The following TASP1 variants were observed in gnomAD, a reference collection of about 807,000 sequenced individuals.
TASP1 encodes taspase 1.
TASP1 carries 16 observed loss-of-function variants against 56.6 expected under a neutral mutation model. That is an observed-to-expected ratio of 0.28 (90% CI 0.19 to 0.43). TASP1 has a LOEUF of 0.43. TASP1 is among the 20% of genes least tolerant of loss of function. The pLI is 1.00. For missense variants in TASP1, 393 were observed against 511.6 expected, an observed-to-expected ratio of 0.77 and a Z score of 2.24; for synonymous variants, 179 against 184.2, an observed-to-expected ratio of 0.97 and a Z score of 0.23.
chr20:13,493,558 G>A (rs2043618437), intron 10 of TASP1, among the ~76,000 whole-genome samples: 1 of 152,094 alleles, frequency 6.6e-6, no homozygotes, highest in African/African-American at 2.4e-5. Context: ...TTGGTTTGCT[G>A]GGGGCTCTTG....
chr20:13,283,122 C>A, the TASP1 span, among the ~76,000 whole-genome samples: 4 of 152,150 alleles, frequency 2.6e-5, no homozygotes, highest in Admixed American at 6.5e-5. Context: ...CTCACTGAAG[C>A]CTCCAACTCC....
chr20:13,420,418 T>C (rs6079058), intron 12 of TASP1, among the ~76,000 whole-genome samples: 38,632 of 152,162 alleles, frequency 0.25, 6,062 homozygotes, highest in Non-Finnish European at 0.35. Context: ...TAAAATTTCA[T>C]TCTTCACTGT....
At chr20:13,410,048 C>G (rs960233731) in intron 13 of TASP1, among the ~76,000 whole-genome samples, 1 of 152,218 alleles carries the variant, frequency 6.6e-6, no homozygotes, top group Non-Finnish European at 1.5e-5. Context: ...CATGTTTGAG[C>G]TCTCACACGT....
At chr20:13,429,237 C>G (rs752498298) in intron 12 of TASP1, among the ~76,000 whole-genome samples, 9 of 152,150 alleles carry the variant, frequency 5.9e-5, no homozygotes, top group Non-Finnish European at 8.8e-5. Context: ...AGCAAATTAC[C>G]TGGGGTGAGG....
intron 1 of TASP1, among the ~76,000 whole-genome samples, chr20:13,636,689 G>A (rs954009631): frequency 1.5e-4 from 23 of 151,842 alleles, no homozygotes; most frequent in African/African-American, 5.1e-4. Context: ...ACAGAAAAAC[G>A]GTTAAGAAAA....
At chr20:13,420,922 A>T in intron 12 of TASP1, among the ~76,000 whole-genome samples, 1 of 152,144 alleles carries the variant, frequency 6.6e-6, no homozygotes, top group South Asian at 2.1e-4. Flanking sequence ...TTACACATTA[A>T]GAAGACCAAA....
At chr20:13,603,751 T>TA (rs1350123082) in intron 4 of TASP1, among the ~76,000 whole-genome samples, 4 of 152,246 alleles carry the variant, frequency 2.6e-5, no homozygotes, top group African/African-American at 9.6e-5. Flanking sequence ...TTAGCATCAT[T>TA]AGCCATAAAA....
At chr20:13,281,854 A>T in the TASP1 span, among the ~76,000 whole-genome samples, 3 of 152,208 alleles carry the variant, frequency 2.0e-5, no homozygotes, top group Admixed American at 6.5e-5. Context: ...TAGAGCTCAG[A>T]CACCTGGCAT....
the TASP1 span, among the ~76,000 whole-genome samples, chr20:13,163,964 T>C: frequency 1.3e-5 from 2 of 152,154 alleles, no homozygotes; most frequent in East Asian, 3.9e-4. Flanking sequence ...GCAGGTTTGT[T>C]ACATATGTAT....
chr20:13,498,599 C>T (rs2043823578), intron 10 of TASP1, among the ~76,000 whole-genome samples: 1 of 151,924 alleles, frequency 6.6e-6, no homozygotes, highest in Non-Finnish European at 1.5e-5. Flanking sequence ...CCGCCTCGGC[C>T]TCTCAAAGTG....
At chr20:13,410,676 T>C (rs6042080) in intron 13 of TASP1, among the ~76,000 whole-genome samples, 15,141 of 151,512 alleles carry the variant, frequency 0.1, 1,552 homozygotes, top group African/African-American at 0.27. Flanking sequence ...TAATGGGATC[T>C]TTTTTTTTAA....
intron 8 of TASP1, among the ~76,000 whole-genome samples, chr20:13,542,251 A>G (rs906875319): frequency 2.2e-4 from 34 of 152,138 alleles, no homozygotes; most frequent in African/African-American, 7.2e-4. Context: ...ACATCACACA[A>G]AATAAGTGTT....
At chr20:13,417,213 A>G (rs2042285856) in intron 13 of TASP1, among the ~76,000 whole-genome samples, 2 of 152,142 alleles carry the variant, frequency 1.3e-5, no homozygotes, top group Admixed American at 6.5e-5. Flanking sequence ...GCTGTGGGGG[A>G]AAGTGGGCAG....
chr20:13,479,207 C>T (rs939283021), intron 11 of TASP1, among the ~76,000 whole-genome samples: 1 of 151,966 alleles, frequency 6.6e-6, no homozygotes, highest in Non-Finnish European at 1.5e-5. Context: ...ACTTAATTGT[C>T]ATATACAATT....
At chr20:13,368,166 A>T in the TASP1 span, 1 of 152,218 alleles carries the variant, frequency 6.6e-6, no homozygotes, top group Non-Finnish European at 1.5e-5. Flanking sequence ...GTTTGAGACC[A>T]CAGGATTAAG....
chr20:13,448,774 T>C (rs986273992), intron 11 of TASP1, among the ~76,000 whole-genome samples: 2 of 151,674 alleles, frequency 1.3e-5, no homozygotes, highest in African/African-American at 2.4e-5. Flanking sequence ...CTATCTATTT[T>C]ATTTGCCACA....
the TASP1 span, among the ~76,000 whole-genome samples, chr20:13,303,350 C>T: frequency 6.6e-6 from 1 of 152,188 alleles, no homozygotes; most frequent in African/African-American, 2.4e-5. Context: ...TCTCATAGTC[C>T]ATAAAAGGAT....
the TASP1 span, among the ~76,000 whole-genome samples, chr20:13,298,492 T>A: frequency 6.6e-6 from 1 of 152,228 alleles, no homozygotes; most frequent in African/African-American, 2.4e-5. Flanking sequence ...GGATCACGGT[T>A]ATCTAGGAAA....
chr20:13,447,419 C>T (rs79806240), intron 11 of TASP1, among the ~76,000 whole-genome samples: 3,094 of 152,140 alleles, frequency 0.02, 49 homozygotes, highest in Non-Finnish European at 0.027. Context: ...AGTAAGGCAA[C>T]CCCCAATTTT....
Sources: gnomAD v4.1 joint callset for allele counts (sites outside exome capture counted in the v4.1 genomes callset) on GRCh38, gnomAD v4.1.1 for gene constraint, MANE v1.5 for transcripts, NCBI Gene and HGNC (gene_info 2026-07-23, HGNC 2026-07-21) for gene names.